Variants in SGCD observed in about 807,000 individuals in gnomAD.
The protein encoded by SGCD is sarcoglycan delta, also known as delta-sarcoglycan.
Under a neutral mutation model 36.6 loss-of-function variants are expected in SGCD, and 18 were observed. That is an observed-to-expected ratio of 0.49 (90% confidence interval 0.34 to 0.73). The LOEUF (loss-of-function observed/expected upper bound fraction) is 0.73. Ranked by LOEUF, SGCD falls within the 30% of genes least tolerant of loss-of-function variation. SGCD has a pLI of 0.01. For synonymous variants in SGCD, 133 were observed against 130.6 expected (o/e 1.02, Z -0.12); for missense variants, 387 against 346.7 (o/e 1.12, Z -0.92).
At chr5:155,935,204 C>T (rs1031329263) in intron 1 of SGCD, among the ~76,000 whole-genome samples, 13 of 152,190 alleles carry the variant, frequency 8.5e-5, no homozygotes, top group Admixed American at 5.9e-4. Flanking sequence ...AATTAAGACT[C>T]TTGGCTGAAA....
chr5:156,556,373 T>C (rs1759022077), intron 4 of SGCD, among the ~76,000 whole-genome samples: 1 of 152,162 alleles, frequency 6.6e-6, no homozygotes, highest in Non-Finnish European at 1.5e-5. Context: ...AGACTCCTGC[T>C]GTCCCAATGT....
intron 3 of SGCD, among the ~76,000 whole-genome samples, chr5:156,291,606 C>T (rs1288419867): frequency 2.0e-5 from 3 of 152,052 alleles, no homozygotes; most frequent in South Asian, 2.1e-4. Flanking sequence ...ATATCCACAA[C>T]GTAATATTTA....
chr5:156,758,331 C>A (rs1235010482), intron 8 of SGCD, among the ~76,000 whole-genome samples: 1 of 151,928 alleles, frequency 6.6e-6, no homozygotes, highest in Non-Finnish European at 1.5e-5. Context: ...TTAAAAATGC[C>A]TTCAAAGTGC....
intron 6 of SGCD, among the ~76,000 whole-genome samples, chr5:156,602,422 G>T (rs1761235731): frequency 6.6e-6 from 1 of 151,930 alleles, no homozygotes; most frequent in Non-Finnish European, 1.5e-5. Context: ...GGGACAATTT[G>T]ATTTCCTCCT....
intron 1 of SGCD, among the ~76,000 whole-genome samples, chr5:155,964,938 C>T (rs1471204229): frequency 6.6e-6 from 1 of 152,138 alleles, no homozygotes; most frequent in African/African-American, 2.4e-5. Flanking sequence ...TTTAGCATTA[C>T]TCCTGGGTGC....
chr5:155,763,238 A>G, the SGCD span, among the ~76,000 whole-genome samples: 5 of 152,210 alleles, frequency 3.3e-5, no homozygotes, highest in Non-Finnish European at 4.4e-5. Context: ...ATGAAATCTG[A>G]TGTGTTAGAA....
intron 3 of SGCD, among the ~76,000 whole-genome samples, chr5:156,499,604 T>A (rs1454257903): frequency 6.6e-6 from 1 of 152,098 alleles, no homozygotes; most frequent in African/African-American, 2.4e-5. Context: ...GGAAGAGTAT[T>A]GCTGGCCAAG....
chr5:155,819,168 C>T, the SGCD span, among the ~76,000 whole-genome samples: 2 of 152,178 alleles, frequency 1.3e-5, no homozygotes. Flanking sequence ...TCTTCCACTT[C>T]AAACATTCTG....
chr5:156,241,747 G>A (rs1302159534), intron 3 of SGCD, among the ~76,000 whole-genome samples: 2 of 152,130 alleles, frequency 1.3e-5, no homozygotes, highest in Non-Finnish European at 2.9e-5. Flanking sequence ...TTCATGGAGC[G>A]ACTACTTGAT....
intron 3 of SGCD, among the ~76,000 whole-genome samples, chr5:156,195,465 A>G (rs1764000643): frequency 6.6e-6 from 1 of 152,196 alleles, no homozygotes; most frequent in Non-Finnish European, 1.5e-5. Flanking sequence ...TTTTTGTATA[A>G]TGTTAGAAAA....
chr5:155,731,259 G>T, the SGCD span, among the ~76,000 whole-genome samples: 4 of 151,952 alleles, frequency 2.6e-5, no homozygotes, highest in Non-Finnish European at 2.9e-5. Flanking sequence ...GGAGGCAAGA[G>T]TGGCAGAGAG....
chr5:156,665,207 G>A (rs1316474519), intron 7 of SGCD, among the ~76,000 whole-genome samples: 1 of 152,180 alleles, frequency 6.6e-6, no homozygotes, highest in Admixed American at 6.5e-5. Flanking sequence ...AATCTTACGG[G>A]CACCTGACCT....
intron 5 of SGCD, 74 bp from the exon 6 acceptor site, chr5:156,594,858 A>T (rs1760861150): frequency 2.0e-6 from 2 of 988,738 alleles, no homozygotes; most frequent in Non-Finnish European, 3.1e-6. Flanking sequence ...AGTCAAAGCG[A>T]TGAGACTAAT....
chr5:155,893,847 T>G (rs1756189439), intron 1 of SGCD, among the ~76,000 whole-genome samples: 1 of 152,246 alleles, frequency 6.6e-6, no homozygotes, highest in African/African-American at 2.4e-5. Context: ...TATAGCCTAT[T>G]ACATGCGTAG....
chr5:156,749,079 A>G (rs1219944819), intron 7 of SGCD, among the ~76,000 whole-genome samples: 2 of 152,034 alleles, frequency 1.3e-5, no homozygotes, highest in Non-Finnish European at 2.9e-5. Flanking sequence ...TTTTTAAGGA[A>G]CTGATGTTAT....
intron 3 of SGCD, among the ~76,000 whole-genome samples, chr5:156,178,892 T>C (rs1225928678): frequency 2.6e-5 from 4 of 152,210 alleles, no homozygotes; most frequent in Non-Finnish European, 4.4e-5. Flanking sequence ...TGCCAATATA[T>C]GTTGTTTGAG....
chr5:156,068,127 GTTATT>G lies in SGCD; in HGVS notation c.-281-49737_-281-49733del, dbSNP rs1176090186. Among the ~76,000 whole-genome samples, 336 of 108,172 alleles carry G rather than the reference GTTATT, an allele frequency of 3.1e-3. 1 individual carries two copies. Among genetic ancestry groups the G allele is most frequent in the African/African-American group, 9.9e-3 (314 of 31,804 alleles). 71.0% of individuals were successfully genotyped at this position (108,172 alleles called of 152,430 possible). On this transcript the variant is annotated intron_variant, in intron 1 of 9. Transcript: ENST00000517913. ...TTATTTTTATTTTATTTTATTTTAT[GTTATT>G]TTATTTTATTTTAAGTTTTAGGGTA...
chr5:156,144,666 A>T (rs1046105912), intron 3 of SGCD, among the ~76,000 whole-genome samples: 1 of 151,848 alleles, frequency 6.6e-6, no homozygotes, highest in African/African-American at 2.4e-5. Context: ...GGTTGCAAAA[A>T]TTTTCTCCCA....
chr5:155,905,825 GT>G (rs1333449497), intron 1 of SGCD, among the ~76,000 whole-genome samples: 2 of 152,068 alleles, frequency 1.3e-5, no homozygotes, highest in African/African-American at 2.4e-5. Context: ...CATGTAAGAA[GT>G]ACCTTTCACC....
Sources: allele counts gnomAD v4.1 joint callset (sites outside exome capture counted in the v4.1 genomes callset), GRCh38; gene constraint gnomAD v4.1.1; transcripts MANE v1.5; gene names NCBI Gene and HGNC (gene_info 2026-07-23, HGNC 2026-07-21).